AGPS: variants seen among roughly 807,000 people sequenced by gnomAD.
AGPS encodes alkylglycerone phosphate synthase.
Under a neutral mutation model 90.7 loss-of-function variants are expected in AGPS, and 26 were observed. The observed-to-expected ratio is 0.29, with a 90% CI of 0.21 to 0.40. The LOEUF (loss-of-function observed/expected upper bound fraction) is 0.40, where lower values mean the gene tolerates loss of function less well. AGPS is among the 10% of genes least tolerant of loss of function. The pLI, the probability that AGPS is intolerant of heterozygous loss-of-function variation, is 1.00. For missense variants in AGPS, 540 were observed against 816.1 expected, an observed-to-expected ratio of 0.66 and a Z score of 4.12; for synonymous variants, 294 against 285.3, an observed-to-expected ratio of 1.03 and a Z score of -0.31.
Position 177,496,605 on chromosome 2 carries a change from G to A in AGPS, c.1286-1084G>A, listed in dbSNP as rs1273062920. ...TGTTTCTTTGTTGTTGTTTTTTAATGCCTCAGGTATAGCATAGATATCTAA... is the reference window on the plus strand; with the variant it reads ...TGTTTCTTTGTTGTTGTTTTTTAATACCTCAGGTATAGCATAGATATCTAA... On this transcript the variant is annotated intron_variant, in intron 12 of 19. Coordinates refer to ENST00000264167, the MANE Select transcript of AGPS (RefSeq NM_003659.4). Among the ~76,000 whole-genome samples, 4 of 152,154 alleles carry A rather than the reference G, an allele frequency of 2.6e-5. No homozygotes were observed. In the East Asian group the frequency reaches 7.7e-4, roughly 29 times the overall value.
At chr2:177,489,066 T>A (rs1345737068) in intron 11 of AGPS, among the ~76,000 whole-genome samples, 1 of 150,768 alleles carries the variant, frequency 6.6e-6, no homozygotes, top group African/African-American at 2.4e-5. Flanking sequence ...AAAACCAGTT[T>A]TGCAGAATAT....
chr2:177,475,939 A>T (rs987395224), intron 10 of AGPS, among the ~76,000 whole-genome samples: 1 of 152,042 alleles, frequency 6.6e-6, no homozygotes, highest in Non-Finnish European at 1.5e-5. Context: ...CATTTTCTCT[A>T]AGTTATGTAA....
At chr2:177,441,172 A>G (rs975901558) in intron 6 of AGPS, 136 bp downstream of exon 6, 29 of 756,552 alleles carry the variant, frequency 3.8e-5, no homozygotes, top group East Asian at 1.6e-4. Context: ...AAATTGGTCA[A>G]TGATGCTCAT....
chr2:177,484,973 C>T (rs1364099786), intron 11 of AGPS, among the ~76,000 whole-genome samples: 6 of 151,932 alleles, frequency 3.9e-5, no homozygotes, highest in Admixed American at 3.9e-4. Flanking sequence ...TCCCTGTGTT[C>T]CCCAGGCTGG....
intron 3 of AGPS, among the ~76,000 whole-genome samples, chr2:177,436,358 G>A (rs542516063): frequency 6.6e-6 from 1 of 152,060 alleles, no homozygotes; most frequent in South Asian, 2.1e-4. Context: ...CACCATGTTA[G>A]CCAGGATGGT....
intron 17 of AGPS, among the ~76,000 whole-genome samples, chr2:177,518,441 GA>G (rs1287491125): frequency 5.3e-5 from 8 of 150,180 alleles, no homozygotes; most frequent in Non-Finnish European, 8.9e-5. Context: ...CATCTCAAAA[GA>G]AAAAAAAACC....
intron 2 of AGPS, among the ~76,000 whole-genome samples, chr2:177,425,273 A>G (rs1161264743): frequency 1.3e-5 from 2 of 152,042 alleles, no homozygotes; most frequent in Middle Eastern, 3.2e-3. Flanking sequence ...AGGAAGGGAT[A>G]TAGTTTCAAT....
At chr2:177,422,282 CTAGAG>C in intron 2 of AGPS, among the ~76,000 whole-genome samples, 1 of 152,164 alleles carries the variant, frequency 6.6e-6, no homozygotes, top group Non-Finnish European at 1.5e-5. Flanking sequence ...GTTAGGGTAT[CTAGAG>C]AACAACATTT....
In AGPS at chr2:177,496,103, C is replaced by T. The variant is rs1688406177; in HGVS notation, c.1286-1586C>T. ...TTATTCTTCAAAGCTATCATGTCAC[C>T]TTAGTATCACAGATGTATGTGAGTA... On this transcript the variant is annotated intron_variant, in intron 12 of 19. Transcript: ENST00000264167. 5.3e-5 allele frequency among the ~76,000 whole-genome samples: 8 copies of T among 151,952 alleles called. No homozygotes were observed. In the South Asian group the frequency reaches 1.7e-3, roughly 31 times the overall value.
intron 9 of AGPS, among the ~76,000 whole-genome samples, chr2:177,462,392 C>CAAAAAAAAA (rs67734682): frequency 2.8e-5 from 3 of 108,144 alleles, no homozygotes; most frequent in East Asian, 2.7e-4. Flanking sequence ...GATTCTGTCT[C>CAAAAAAAAA]AAAAAAAAAA....
chr2:177,518,958 G>C (rs1689103189), intron 17 of AGPS, among the ~76,000 whole-genome samples: 3 of 152,008 alleles, frequency 2.0e-5, no homozygotes, highest in Admixed American at 2.0e-4. Flanking sequence ...GAAGATATGA[G>C]GCCTAGGGAG....
intron 1 of AGPS, 139 bp from the exon 2 acceptor site, chr2:177,420,130 T>G: frequency 1.7e-6 from 1 of 592,928 alleles, no homozygotes; most frequent in South Asian, 2.2e-5. Flanking sequence ...TTTTAATGTG[T>G]GCTAATTTTA....
At chr2:177,461,803 G>T in intron 8 of AGPS, 90 bp from the exon 9 acceptor site, 3 of 1,134,316 alleles carry the variant, frequency 2.6e-6, no homozygotes, top group Non-Finnish European at 2.5e-6. Flanking sequence ...TCAATGACAT[G>T]GAAATTTTAA....
intron 5 of AGPS, among the ~76,000 whole-genome samples, chr2:177,439,312 G>A (rs542659090): frequency 1.3e-5 from 2 of 152,288 alleles, no homozygotes; most frequent in South Asian, 4.1e-4. Context: ...GTTAAGTGCT[G>A]TAAAGAAAAG....
Position 177,541,959 on chromosome 2 carries a change from G to A in AGPS, c.*3764G>A, listed in dbSNP as rs910683971. 9.9e-5 allele frequency: 15 copies of A among 152,222 alleles called. No individual in the cohort carries two copies. The East Asian group carries it at 1.7e-3, about 18-fold the overall frequency. The allele number at this position is 152,222 out of a possible 1,614,324, so 9.4% of individuals were successfully genotyped here. ...CTAAGCCAAACAGTGTTTGTCTTCAGTGTGAAATTTAACTGTAAAAACTAC... is the reference window on the plus strand; with the variant it reads ...CTAAGCCAAACAGTGTTTGTCTTCAATGTGAAATTTAACTGTAAAAACTAC... On this transcript the variant is annotated 3_prime_UTR_variant, in exon 20 of 20. Transcript: ENST00000264167.
chr2:177,513,770 G>A (rs756945503), intron 16 of AGPS, 49 bp from the exon 17 acceptor site: 1 of 1,341,744 alleles, frequency 7.5e-7, no homozygotes, highest in South Asian at 1.2e-5. Flanking sequence ...TAGCACTTGT[G>A]TAGTTCTCAC....
rs1033626775 is a variant in AGPS at position 177,437,074 on chromosome 2, T to C, written c.637+20T>C. 17 of 1,607,040 alleles carry C rather than the reference T, an allele frequency of 1.1e-5. No homozygotes were observed. The highest frequency in any genetic ancestry group is 1.4e-5 in the Non-Finnish European group (16 of 1,173,994). ...GGCCAAGTAAGTTTTCCCCTCCTCG[T>C]ATCATTAATTTAGTATTGCTAAATT... On this transcript the variant is annotated intron_variant, in intron 5 of 19. Coordinates refer to ENST00000264167, the MANE Select transcript of AGPS (RefSeq NM_003659.4).
intron 1 of AGPS, among the ~76,000 whole-genome samples, chr2:177,408,945 T>G (rs1182876316): frequency 6.6e-6 from 1 of 152,246 alleles, no homozygotes; most frequent in Non-Finnish European, 1.5e-5. Flanking sequence ...GGGCTGGGTC[T>G]AGGGTGGCAT....
At chr2:177,524,123 G>C (rs1334516827) in intron 19 of AGPS, among the ~76,000 whole-genome samples, 1 of 152,184 alleles carries the variant, frequency 6.6e-6, no homozygotes, top group African/African-American at 2.4e-5. Context: ...TTTAAAGGAT[G>C]ATGGGGAAGA....
Sources: allele counts gnomAD v4.1 joint callset (sites outside exome capture counted in the v4.1 genomes callset), GRCh38; gene constraint gnomAD v4.1.1; transcripts MANE v1.5; gene names NCBI Gene and HGNC (gene_info 2026-07-23, HGNC 2026-07-21).